ASTN1: variants seen among roughly 807,000 people sequenced by gnomAD.
The protein encoded by ASTN1 is astrotactin-1.
Under a neutral mutation model 140.7 loss-of-function variants are expected in ASTN1, and 41 were observed. The ratio of observed to expected loss-of-function variants is 0.29; its 90% CI spans 0.23 to 0.38. The LOEUF (loss-of-function observed/expected upper bound fraction) is 0.38, where lower values mean the gene tolerates loss of function less well. Among genes scored for constraint, ASTN1 ranks in the 10% least tolerant of loss-of-function variants. The pLI is 1.00. For missense variants in ASTN1, 1,479 were observed against 1,678.8 expected, an observed-to-expected ratio of 0.88 and a Z score of 2.08; for synonymous variants, 640 against 652.2, an observed-to-expected ratio of 0.98 and a Z score of 0.29.
rs547316080 is a variant in ASTN1 at position 176,996,340 on chromosome 1, A to C, written c.1523+18451T>G. On this transcript the variant is annotated intron_variant, in intron 8 of 22. Transcript: ENST00000361833. ...AGAGAGAGAGAGACAGAGACAGAGA[A>C]AGAGAAAGAGATTTCTAACTTTATA... 6.3e-3 allele frequency among the ~76,000 whole-genome samples: 872 copies of C among 138,422 alleles called. 11 individuals carry two copies. The highest frequency in any genetic ancestry group is 9.6e-3 in the Non-Finnish European group (610 of 63,288). 90.8% of individuals were successfully genotyped at this position (138,422 alleles called of 152,430 possible). A position where few individuals can be genotyped will look rare whatever the true frequency, so the allele number is the denominator to read the frequency against.
intron 1 of ASTN1, among the ~76,000 whole-genome samples, chr1:177,106,676 T>C (rs1680558123): frequency 6.6e-6 from 1 of 152,220 alleles, no homozygotes; most frequent in African/African-American, 2.4e-5. Flanking sequence ...AGGTTTACTC[T>C]AAGATTATAG....
chr1:176,946,070 A>G lies in ASTN1; in HGVS notation c.2105T>C (p.Ile702Thr), dbSNP rs775394942. The G allele has an allele frequency of 1.2e-6, 2 of 1,613,798 alleles. No individual in the cohort carries two copies. Among genetic ancestry groups the G allele is most frequent in the East Asian group, 4.5e-5 (2 of 44,860 alleles). The change falls in exon 13 of 23, where the codon ATC becomes ACC. Residue 702 changes from isoleucine (I) to threonine (T), a missense_variant. Ile to Thr is a moderately conservative substitution (Grantham distance 89). This residue lies in a region of ASTN1 where 746 missense variants were observed against 800.9 expected (regional missense o/e 0.93). Transcript: ENST00000361833. ...LGVDGRSCQLITETCPEGSDC... is the reference protein window; with the variant it reads ...LGVDGRSCQLTTETCPEGSDC... ...ACTTCCCTCTGGACAGGTCTCCGTG[A>G]TGAGTTGGCAAGAGCGTCCATCCAC...
chr1:177,109,056 TG>T (rs1457038614), intron 1 of ASTN1, among the ~76,000 whole-genome samples: 1 of 152,164 alleles, frequency 6.6e-6, no homozygotes, highest in Non-Finnish European at 1.5e-5. Flanking sequence ...CAGAGTTATC[TG>T]AGTCCGAAGA....
intron 1 of ASTN1, among the ~76,000 whole-genome samples, chr1:177,119,663 A>G (rs751722332): frequency 4.6e-5 from 7 of 151,972 alleles, no homozygotes; most frequent in Admixed American, 1.3e-4. Flanking sequence ...TCTGGGAGAG[A>G]TTTTTCCTAG....
intron 8 of ASTN1, among the ~76,000 whole-genome samples, chr1:176,991,296 C>T (rs1049148784): frequency 2.0e-5 from 3 of 151,740 alleles, no homozygotes; most frequent in African/African-American, 7.3e-5. Context: ...GACTGTAATC[C>T]CAGCTACTCA....
chr1:177,062,606 AAAT>A (rs1678155235), intron 1 of ASTN1, among the ~76,000 whole-genome samples: 1 of 151,956 alleles, frequency 6.6e-6, no homozygotes, highest in Middle Eastern at 3.4e-3. Context: ...TTTGGCCAAA[AAAT>A]AATAATAATT....
At chr1:176,992,637 T>G (rs1674243498) in intron 8 of ASTN1, among the ~76,000 whole-genome samples, 1 of 152,200 alleles carries the variant, frequency 6.6e-6, no homozygotes, top group Non-Finnish European at 1.5e-5. Context: ...GCATCTCTTC[T>G]AAGATGATTT....
At chr1:176,911,049 C>G (rs1021306283) in intron 16 of ASTN1, among the ~76,000 whole-genome samples, 1 of 152,194 alleles carries the variant, frequency 6.6e-6, no homozygotes, top group Non-Finnish European at 1.5e-5. Context: ...GCATATTGTT[C>G]CTAGGCTATA....
chr1:177,139,168 T>C (rs2102219840), intron 1 of ASTN1, among the ~76,000 whole-genome samples: 1 of 152,172 alleles, frequency 6.6e-6, no homozygotes, highest in East Asian at 1.9e-4. Flanking sequence ...AAGACAAGGG[T>C]GCTAAAAAAA....
At chr1:177,002,748 C>A (rs545811344) in intron 8 of ASTN1, among the ~76,000 whole-genome samples, 1 of 152,060 alleles carries the variant, frequency 6.6e-6, no homozygotes, top group Non-Finnish European at 1.5e-5. Context: ...GAAGAATAAA[C>A]CTTAATATTA....
intron 1 of ASTN1, among the ~76,000 whole-genome samples, chr1:177,109,803 C>T (rs996430189): frequency 2.0e-5 from 3 of 152,140 alleles, no homozygotes; most frequent in Non-Finnish European, 4.4e-5. Context: ...TGGGTCCTTC[C>T]TTTCATAATA....
intron 1 of ASTN1, among the ~76,000 whole-genome samples, chr1:177,109,625 T>G (rs1425908393): frequency 6.6e-6 from 1 of 152,210 alleles, no homozygotes; most frequent in Non-Finnish European, 1.5e-5. Flanking sequence ...CAGAATGAGC[T>G]CTTTGTGACT....
At chr1:177,062,090 C>T (rs1214948628) in intron 1 of ASTN1, among the ~76,000 whole-genome samples, 3 of 152,140 alleles carry the variant, frequency 2.0e-5, no homozygotes, top group Non-Finnish European at 4.4e-5. Context: ...GTATGTTCCT[C>T]TCTTTTGCAT....
chr1:176,941,207 A>T (rs74127264), intron 14 of ASTN1, among the ~76,000 whole-genome samples: 8,419 of 152,248 alleles, frequency 0.055, 745 homozygotes, highest in African/African-American at 0.19. Flanking sequence ...AGAACTAGAG[A>T]TAACATGGGG....
chr1:177,139,015 G>T (rs1050063211), intron 1 of ASTN1, among the ~76,000 whole-genome samples: 4 of 152,206 alleles, frequency 2.6e-5, no homozygotes, highest in African/African-American at 9.7e-5. Context: ...GGAAGGAAAA[G>T]AGAGTCCATT....
intron 8 of ASTN1, chr1:176,976,175 T>G (rs56759096): frequency 2.6e-5 from 4 of 152,316 alleles, no homozygotes; most frequent in African/African-American, 9.6e-5. Flanking sequence ...AACAGTTCCA[T>G]GAAAACAGTA....
intron 1 of ASTN1, among the ~76,000 whole-genome samples, chr1:177,070,269 T>C (rs1678572350): frequency 6.6e-6 from 1 of 152,204 alleles, no homozygotes; most frequent in Admixed American, 6.5e-5. Flanking sequence ...GAAAACTGTA[T>C]ACTAGACCCA....
chr1:177,095,747 T>C (rs1339776578), intron 1 of ASTN1, among the ~76,000 whole-genome samples: 1 of 151,574 alleles, frequency 6.6e-6, no homozygotes, highest in Non-Finnish European at 1.5e-5. Context: ...CTTCAAAGAG[T>C]CCCCACTAAG....
intron 8 of ASTN1, among the ~76,000 whole-genome samples, chr1:176,992,477 C>T (rs1674233080): frequency 6.6e-6 from 1 of 152,034 alleles, no homozygotes; most frequent in African/African-American, 2.4e-5. Flanking sequence ...GAGAATTCTG[C>T]TTCTAAACTC....
Sources: gnomAD v4.1 joint callset for allele counts (sites outside exome capture counted in the v4.1 genomes callset) on GRCh38, gnomAD v4.1.1 for gene constraint, gnomAD v4.1.1 regional missense constraint, MANE v1.5 for transcripts, NCBI Gene and HGNC (gene_info 2026-07-23, HGNC 2026-07-21) for gene names.